Variants in ACSBG1 observed in about 807,000 individuals in gnomAD.
The protein encoded by ACSBG1 is long-chain-fatty-acid--CoA ligase ACSBG1.
ACSBG1 carries 39 observed loss-of-function variants against 80.2 expected under a neutral mutation model. The observed-to-expected ratio is 0.49, with a 90% confidence interval of 0.38 to 0.64. The LOEUF is 0.64. Ranked by LOEUF, ACSBG1 falls within the 30% of genes least tolerant of loss-of-function variation. ACSBG1 has a pLI of 0.00. For synonymous variants in ACSBG1, 392 were observed against 379.5 expected (o/e 1.03, Z -0.38); for missense variants, 828 against 966.4 (o/e 0.86, Z 1.90).
At chr15:78,222,820 CTGAAA>C (rs72277866) in intron 1 of ACSBG1, among the ~76,000 whole-genome samples, 39,664 of 151,816 alleles carry the variant, frequency 0.26, 5,774 homozygotes, top group Non-Finnish European at 0.34. Flanking sequence ...TTTTAAAGTA[CTGAAA>C]TAAGTAAATG....
chr15:78,217,767 A>G (rs753680470), intron 1 of ACSBG1, among the ~76,000 whole-genome samples: 1 of 151,888 alleles, frequency 6.6e-6, no homozygotes, highest in African/African-American at 2.4e-5. Flanking sequence ...GGGTTTCACT[A>G]CGTTGGTCAG....
chr15:78,197,278 A>G (rs1038636590), intron 2 of ACSBG1, among the ~76,000 whole-genome samples: 28 of 151,948 alleles, frequency 1.8e-4, no homozygotes, highest in African/African-American at 6.8e-4. Flanking sequence ...GGCACAAGAG[A>G]TCTTTTTGGG....
At chr15:78,212,185 C>T (rs2075272471) in intron 1 of ACSBG1, among the ~76,000 whole-genome samples, 1 of 152,194 alleles carries the variant, frequency 6.6e-6, no homozygotes, top group East Asian at 1.9e-4. Flanking sequence ...AACAGGATAG[C>T]ATCAAAGTTC....
intron 5 of ACSBG1, 66 bp downstream of exon 5, chr15:78,193,440 A>G (rs760830201): frequency 2.6e-5 from 40 of 1,551,150 alleles, no homozygotes; most frequent in Non-Finnish European, 3.4e-5. Flanking sequence ...GTTCCGTGTG[A>G]GTTGGAGTGG....
chr15:78,194,806 G>T, intron 2 of ACSBG1, 80 bp from the exon 3 acceptor site: 1 of 1,419,588 alleles, frequency 7.0e-7, no homozygotes, highest in Non-Finnish European at 9.6e-7. Flanking sequence ...CTCGCAGCCC[G>T]TCTGGTGCTG....
At chr15:78,189,516 T>A (rs1466790807) in intron 5 of ACSBG1, among the ~76,000 whole-genome samples, 1 of 152,112 alleles carries the variant, frequency 6.6e-6, no homozygotes, top group Non-Finnish European at 1.5e-5. Context: ...TTCATGTCCT[T>A]TGTAGGGACA....
rs1432024453 is a variant in ACSBG1 at position 78,182,610 on chromosome 15, C to T, written c.750G>A (p.Glu250=). The part of the protein sequence containing the change: ...PNKMANVYTM[E]EFMELGNEVP... ...CTTCATTCCCCAGCTCCATGAATTC[C>T]TCCATCTGTAGCCAGATGCAGGGAG... Residue 250 remains glutamate (E), a synonymous_variant, in exon 7 of 14, where the codon GAG becomes GAA. Coordinates refer to ENST00000258873, the MANE Select transcript of ACSBG1 (RefSeq NM_015162.5). 1.9e-6 allele frequency: 3 copies of T among 1,613,934 alleles called. No individual in the cohort carries two copies. In the Admixed American group the frequency reaches 5.0e-5, roughly 27 times the overall value.
At chr15:78,215,748 A>AAGAAAGAAAGAAAGAAAG (rs2075304820) in intron 1 of ACSBG1, among the ~76,000 whole-genome samples, 1 of 147,414 alleles carries the variant, frequency 6.8e-6, no homozygotes, top group Admixed American at 6.7e-5. Flanking sequence ...GAAAGAAAGA[A>AAGAAAGAAAGAAAGAAAG]AGAAAGAAAG....
intron 1 of ACSBG1, among the ~76,000 whole-genome samples, chr15:78,212,320 A>G (rs4887017): frequency 0.63 from 96,130 of 151,928 alleles, 31,140 homozygotes; most frequent in East Asian, 0.74. Flanking sequence ...GGTGATATAT[A>G]AGAAGTGCTT....
rs544201014 is a variant in ACSBG1, at chr15:78,194,535, C to A, written c.424G>T (p.Ala142Ser). The change falls in exon 3 of 14, where the codon GCC (alanine) becomes TCC (serine). Residue 142 changes from alanine (A) to serine (S), a missense_variant. Around this residue, in one of 3 missense-constraint regions of ACSBG1, gnomAD observed 356 missense variants for 363.5 expected, o/e 0.98. Transcript: ENST00000258873. ...HISYSQYYLL[A>S]RRAAKGFLKL... ...AGGAAGCCCTTGGCGGCTCTGCGGGCGAGCAGGTAGTATTGGGAGTAGGAG... is the reference window on the plus strand; with the variant it reads ...AGGAAGCCCTTGGCGGCTCTGCGGGAGAGCAGGTAGTATTGGGAGTAGGAG... 2 of 1,614,196 alleles carry A rather than the reference C, an allele frequency of 1.2e-6. No individual in the cohort carries two copies. Among genetic ancestry groups the A allele is most frequent in the Non-Finnish European group, 1.7e-6 (2 of 1,180,022 alleles).
intron 1 of ACSBG1, among the ~76,000 whole-genome samples, chr15:78,218,770 G>C (rs2075333276): frequency 6.7e-6 from 1 of 148,986 alleles, no homozygotes; most frequent in Non-Finnish European, 1.5e-5. Context: ...ACTTCAGATT[G>C]CATCTCCCTT....
rs1231918810 is a variant in ACSBG1, at chr15:78,177,869, T to G, written c.1702+745A>C. On this transcript the variant is annotated intron_variant, in intron 11 of 13. Transcript: ENST00000258873. This position sits in a 1 kb window ranked among gnomAD's most constrained non-coding sequence, Gnocchi z 4.1. Reference sequence around the variant, plus strand: ...CAACTTGGGTGAAGCAGGCAGAACATTCTTCCACAGAGGCATCCCCAACTA... The same window carrying G: ...CAACTTGGGTGAAGCAGGCAGAACAGTCTTCCACAGAGGCATCCCCAACTA... Among the ~76,000 whole-genome samples, 1 of 152,200 alleles carries G rather than the reference T, an allele frequency of 6.6e-6. No homozygotes were observed. Among genetic ancestry groups the G allele is most frequent in the African/African-American group, 2.4e-5 (1 of 41,456 alleles).
chr15:78,181,875 C>T (rs2074948822), intron 8 of ACSBG1, 94 bp downstream of exon 8: 1 of 1,461,178 alleles, frequency 6.8e-7, no homozygotes, highest in Non-Finnish European at 9.4e-7. Flanking sequence ...TGCACAGGAA[C>T]AGCACACACA....
rs531397571 is a variant in ACSBG1, at chr15:78,181,039, C to A, written c.1072-103G>T. On this transcript the variant is annotated intron_variant, in intron 8 of 13. Coordinates refer to ENST00000258873, the MANE Select transcript of ACSBG1 (RefSeq NM_015162.5). ...TGCCGGTGGCACACACATGCTCCAA[C>A]GGGCACCCACACACACCTGCACGCA... 3.7e-6 allele frequency: 5 copies of A among 1,355,462 alleles called. No homozygotes were observed. The African/African-American group carries it at 4.5e-5, about 12-fold the overall frequency. 84.0% of individuals were successfully genotyped at this position (1,355,462 alleles called of 1,614,324 possible).
intron 1 of ACSBG1, among the ~76,000 whole-genome samples, chr15:78,221,481 A>T (rs7163803): frequency 2.0e-5 from 3 of 152,162 alleles, no homozygotes; most frequent in Non-Finnish European, 4.4e-5. Context: ...GCCACAGGGC[A>T]GTTTTCTCCT....
At chr15:78,234,097 A>ATCCAACTGAGATCCAACTGGTC (rs1464946706) in intron 1 of ACSBG1, among the ~76,000 whole-genome samples, 2 of 152,310 alleles carry the variant, frequency 1.3e-5, no homozygotes, top group East Asian at 3.9e-4. Flanking sequence ...TTCCTCCTCC[A>ATCCAACTGAGATCCAACTGGTC]TCCAACTGAG....
At chr15:78,223,834 T>A (rs974330721) in intron 1 of ACSBG1, among the ~76,000 whole-genome samples, 5 of 152,200 alleles carry the variant, frequency 3.3e-5, no homozygotes, top group Non-Finnish European at 1.5e-5. Flanking sequence ...CAATCACATG[T>A]ATTCTTACAA....
At position 78,168,141 on chromosome 15, in the gene ACSBG1, A is replaced by T. The variant is rs1055846451; in HGVS notation, c.*3303T>A. ...AAAGAGGGAGGTTTAAGAGTTAATG[A>T]TTTAGGCAGGTGTGGTGGTGCATGC... On this transcript the variant is annotated 3_prime_UTR_variant, in exon 14 of 14. Transcript: ENST00000258873. 6.6e-6 allele frequency: 1 copy of T among 152,072 alleles called. No homozygotes were observed. Among genetic ancestry groups the T allele is most frequent in the Non-Finnish European group, 1.5e-5 (1 of 68,040 alleles). 9.4% of individuals were successfully genotyped at this position (152,072 alleles called of 1,614,324 possible).
chr15:78,215,173 G>C (rs972905933), intron 1 of ACSBG1, among the ~76,000 whole-genome samples: 2 of 152,112 alleles, frequency 1.3e-5, no homozygotes, highest in Non-Finnish European at 2.9e-5. Context: ...CCTCTCCTTT[G>C]TCCTGAAGAG....
Sources: gnomAD v4.1 joint callset for allele counts (sites outside exome capture counted in the v4.1 genomes callset) on GRCh38, gnomAD v4.1.1 for gene constraint, gnomAD v4.1.1 regional missense constraint, Gnocchi (gnomAD v3.1) non-coding constraint, MANE v1.5 for transcripts, NCBI Gene and HGNC (gene_info 2026-07-23, HGNC 2026-07-21) for gene names.